The following EPB41L3 variants were observed in gnomAD, a reference collection of about 807,000 sequenced individuals.
EPB41L3 encodes erythrocyte membrane protein band 4.1 like 3, also known as band 4.1-like protein 3.
EPB41L3 carries 57 observed loss-of-function variants against 127.1 expected under a neutral mutation model. The ratio of observed to expected loss-of-function variants is 0.45; its 90% CI spans 0.36 to 0.56. The LOEUF is 0.56. Among genes scored for constraint, EPB41L3 ranks in the 20% least tolerant of loss-of-function variants. The pLI is 0.00. For missense variants in EPB41L3, 1,273 were observed against 1,372.2 expected, an observed-to-expected ratio of 0.93 and a Z score of 1.14; for synonymous variants, 572 against 549.5, an observed-to-expected ratio of 1.04 and a Z score of -0.57.
chr18:5,569,662 G>T (rs1222240221), intron 3 of EPB41L3, among the ~76,000 whole-genome samples: 1 of 152,164 alleles, frequency 6.6e-6, no homozygotes, highest in African/African-American at 2.4e-5. Context: ...TCTGCTAAGG[G>T]CAGACAGCTT....
intron 3 of EPB41L3, among the ~76,000 whole-genome samples, chr18:5,574,061 C>G (rs969014730): frequency 6.6e-6 from 1 of 152,040 alleles, no homozygotes; most frequent in South Asian, 2.1e-4. Context: ...CAGGCACGCA[C>G]CACCTTTTAA....
chr18:5,550,348 AG>A (rs1422623685), intron 3 of EPB41L3, among the ~76,000 whole-genome samples: 1 of 152,182 alleles, frequency 6.6e-6, no homozygotes, highest in Non-Finnish European at 1.5e-5. Context: ...GCACAACATG[AG>A]GAATTTTATT....
chr18:5,525,459 G>A (rs1276444778), intron 1 of EPB41L3, among the ~76,000 whole-genome samples: 1 of 152,072 alleles, frequency 6.6e-6, no homozygotes, highest in Non-Finnish European at 1.5e-5. Flanking sequence ...ATCCAATGAG[G>A]CTAGTATTAC....
At position 5,478,563 on chromosome 18, in the gene EPB41L3, AAT is replaced by A. The variant is rs1415560766; in HGVS notation, c.184-127_184-126del. ...AGAGGTATTGAATTAGGATATTAGG[AAT>A]AGATATAAATATACAGATATTTATA... is the stretch of plus-strand genomic sequence containing the variant. On this transcript the variant is annotated intron_variant, in intron 2 of 22. Coordinates refer to ENST00000341928, the MANE Select transcript of EPB41L3 (RefSeq NM_012307.5). 7.7e-5 allele frequency: 57 copies of A among 740,948 alleles called. No homozygotes were observed. In the East Asian group the frequency reaches 1.5e-3, roughly 19 times the overall value. 45.9% of individuals were successfully genotyped at this position (740,948 alleles called of 1,614,324 possible).
intron 3 of EPB41L3, among the ~76,000 whole-genome samples, chr18:5,595,900 C>T (rs2094532337): frequency 6.6e-6 from 1 of 152,100 alleles, no homozygotes; most frequent in African/African-American, 2.4e-5. Flanking sequence ...AATGTATATT[C>T]CAGTAGGTGG....
At chr18:5,460,484 CGTGT>C (rs891548242) in intron 3 of EPB41L3, among the ~76,000 whole-genome samples, 2 of 152,118 alleles carry the variant, frequency 1.3e-5, no homozygotes, top group African/African-American at 4.8e-5. Flanking sequence ...TGTATTTGTA[CGTGT>C]GTGTATGTGG....
chr18:5,509,243 C>T (rs751785161), intron 1 of EPB41L3, among the ~76,000 whole-genome samples: 1 of 152,168 alleles, frequency 6.6e-6, no homozygotes, highest in Non-Finnish European at 1.5e-5. Flanking sequence ...GGGCTCAGGA[C>T]CTCACCTGGC....
intron 16 of EPB41L3, among the ~76,000 whole-genome samples, chr18:5,405,889 A>T (rs546121662): frequency 4.0e-5 from 6 of 151,808 alleles, no homozygotes; most frequent in Admixed American, 3.3e-4. Flanking sequence ...AAAAAAAAAA[A>T]TTTCTGGCCA....
At chr18:5,413,419 TAGAA>T (rs973366937) in intron 13 of EPB41L3, among the ~76,000 whole-genome samples, 3 of 152,194 alleles carry the variant, frequency 2.0e-5, no homozygotes, top group African/African-American at 4.8e-5. Flanking sequence ...ATTTCACTCT[TAGAA>T]AGGCTGGAAA....
chr18:5,398,774 G>T, intron 16 of EPB41L3: 1 of 399,542 alleles, frequency 2.5e-6, no homozygotes, highest in East Asian at 3.6e-5. Context: ...CCACTTTTAA[G>T]ACCTCACTCT....
At position 5,440,188 on chromosome 18, in the gene EPB41L3, G is replaced by A. The variant is rs2080469916; in HGVS notation, c.530-2078C>T. Among the ~76,000 whole-genome samples the A allele has an allele frequency of 1.3e-5, 2 of 152,064 alleles. 1 individual carries two copies. Among genetic ancestry groups the A allele is most frequent in the South Asian group, 4.1e-4 (2 of 4,824 alleles). The stretch of plus-strand genomic sequence containing the variant: ...CGATGGCTTGAATAAGCTTCCTTAT[G>A]TTTCTAATAATAAAAATGGGCTTTG... On this transcript the variant is annotated intron_variant, in intron 5 of 22. Transcript: ENST00000341928.
intron 3 of EPB41L3, among the ~76,000 whole-genome samples, chr18:5,468,149 T>C (rs567257600): frequency 6.6e-6 from 1 of 152,268 alleles, no homozygotes; most frequent in South Asian, 2.1e-4. Flanking sequence ...CCTCCAGACT[T>C]TGTGCCAACA....
intron 3 of EPB41L3, among the ~76,000 whole-genome samples, chr18:5,551,712 C>G (rs1267730827): frequency 6.6e-6 from 1 of 152,042 alleles, no homozygotes; most frequent in Admixed American, 6.6e-5. Context: ...AGAGCAAGAC[C>G]CTATCTCAAC....
intron 3 of EPB41L3, among the ~76,000 whole-genome samples, chr18:5,562,236 A>G (rs1037025623): frequency 6.6e-6 from 1 of 152,212 alleles, no homozygotes; most frequent in Non-Finnish European, 1.5e-5. Context: ...TGAATGTGGT[A>G]TATATAGGAA....
chr18:5,482,648 T>C (rs1195676156), intron 2 of EPB41L3, among the ~76,000 whole-genome samples: 1 of 152,086 alleles, frequency 6.6e-6, no homozygotes, highest in Admixed American at 6.5e-5. Flanking sequence ...CCAAATTGCC[T>C]GGTAACAGAA....
chr18:5,405,995 G>A (rs2075321725), intron 16 of EPB41L3, among the ~76,000 whole-genome samples: 1 of 152,182 alleles, frequency 6.6e-6, no homozygotes, highest in South Asian at 2.1e-4. Context: ...GGAGGCCAAG[G>A]TGGGTGGATC....
At chr18:5,401,913 C>T (rs868754395) in intron 16 of EPB41L3, among the ~76,000 whole-genome samples, 1 of 151,944 alleles carries the variant, frequency 6.6e-6, no homozygotes, top group Non-Finnish European at 1.5e-5. Context: ...TGAAAAATAA[C>T]GATGGAAAGT....
At chr18:5,501,963 TC>T (rs1480097610) in intron 1 of EPB41L3, among the ~76,000 whole-genome samples, 1 of 152,102 alleles carries the variant, frequency 6.6e-6, no homozygotes, top group Non-Finnish European at 1.5e-5. Flanking sequence ...CTGAAAGGGC[TC>T]CCCATTTATG....
chr18:5,556,301 G>C (rs554320925), intron 3 of EPB41L3, among the ~76,000 whole-genome samples: 3 of 152,344 alleles, frequency 2.0e-5, no homozygotes, highest in East Asian at 3.9e-4. Flanking sequence ...GGACATTTAA[G>C]TGAAGCTTGC....
Sources: gnomAD v4.1 joint callset for allele counts (sites outside exome capture counted in the v4.1 genomes callset) on GRCh38, gnomAD v4.1.1 for gene constraint, MANE v1.5 for transcripts, NCBI Gene and HGNC (gene_info 2026-07-23, HGNC 2026-07-21) for gene names.